Variants in DLGAP1 observed in about 807,000 individuals in gnomAD.
DLGAP1 encodes disks large-associated protein 1.
DLGAP1 carries 11 observed loss-of-function variants against 90.8 expected under a neutral mutation model. The ratio of observed to expected loss-of-function variants is 0.12; its 90% confidence interval spans 0.08 to 0.20. DLGAP1 has a LOEUF of 0.20. Among genes scored for constraint, DLGAP1 ranks in the 10% least tolerant of loss-of-function variants. DLGAP1 has a pLI of 1.00. For synonymous variants in DLGAP1, 558 were observed against 540.7 expected (o/e 1.03, Z -0.44); for missense variants, 1,050 against 1,333.8 (o/e 0.79, Z 3.31).
chr18:3,738,440 G>C (rs2147597071), intron 6 of DLGAP1, among the ~76,000 whole-genome samples: 1 of 147,430 alleles, frequency 6.8e-6, no homozygotes, highest in Non-Finnish European at 1.5e-5. Context: ...TAGATCAATG[G>C]AACAGAACAG....
rs751353966 is a variant in DLGAP1, at chr18:3,879,205, G to A, written c.864C>T (p.Ala288=). 5.1e-6 allele frequency: 8 copies of A among 1,558,396 alleles called. No homozygotes were observed. In the South Asian group the frequency reaches 6.1e-5, roughly 12 times the overall value. ...AWSSTLTVSR[A]REVYQKASVN... is the part of the protein sequence containing the mutation. ...CCGAGGCCTTCTGGTAAACCTCCCG[G>A]GCCCGGCTCACGGTGAGCGTGGAGG... The change falls in exon 4 of 13, where the codon GCC becomes GCT. Residue 288 remains alanine, a synonymous_variant. Coordinates refer to ENST00000315677, the MANE Select transcript of DLGAP1 (RefSeq NM_004746.4). This position sits in a 1 kb window ranked among gnomAD's most constrained non-coding sequence, Gnocchi z 6.6.
At chr18:4,328,483 CTA>C (rs2080873808) in intron 1 of DLGAP1, among the ~76,000 whole-genome samples, 1 of 151,804 alleles carries the variant, frequency 6.6e-6, no homozygotes, top group Admixed American at 6.6e-5. Context: ...CAGTTTTTGA[CTA>C]TTATAAACAA....
intron 3 of DLGAP1, among the ~76,000 whole-genome samples, chr18:3,903,042 C>T (rs2071818237): frequency 6.6e-6 from 1 of 152,238 alleles, no homozygotes; most frequent in South Asian, 2.1e-4. Context: ...CATGTGTACA[C>T]TGTGTTTAAG....
intron 2 of DLGAP1, among the ~76,000 whole-genome samples, chr18:4,016,898 AG>A (rs2149105938): frequency 6.6e-6 from 1 of 152,342 alleles, no homozygotes; most frequent in Non-Finnish European, 1.5e-5. Context: ...AGTCATATCC[AG>A]CTTGCAGATT....
chr18:4,249,072 T>C (rs2078719185), intron 1 of DLGAP1, among the ~76,000 whole-genome samples: 1 of 152,208 alleles, frequency 6.6e-6, no homozygotes. Context: ...ACTCCCCTAT[T>C]GAAAATCCCG....
chr18:3,937,052 G>A (rs1035389725), intron 3 of DLGAP1, among the ~76,000 whole-genome samples: 4 of 152,186 alleles, frequency 2.6e-5, no homozygotes, highest in Non-Finnish European at 4.4e-5. Context: ...AGCTCTACAT[G>A]GAGGCTGAAA....
At chr18:3,658,330 A>G (rs1053878777) in intron 7 of DLGAP1, among the ~76,000 whole-genome samples, 11 of 152,178 alleles carry the variant, frequency 7.2e-5, no homozygotes, top group African/African-American at 2.4e-4. Flanking sequence ...GGCTTCCAAA[A>G]TGTCTGAAAC....
At chr18:3,959,756 A>G (rs1355862310) in intron 3 of DLGAP1, among the ~76,000 whole-genome samples, 3 of 152,216 alleles carry the variant, frequency 2.0e-5, no homozygotes, top group African/African-American at 7.2e-5. Flanking sequence ...AAGAAAGAAA[A>G]AAGAAAAAAA....
At chr18:4,381,247 A>G (rs937897427) in intron 1 of DLGAP1, among the ~76,000 whole-genome samples, 2 of 152,176 alleles carry the variant, frequency 1.3e-5, no homozygotes, top group South Asian at 4.1e-4. Flanking sequence ...AATTGTTTTC[A>G]GAGATGATTG....
intron 7 of DLGAP1, among the ~76,000 whole-genome samples, chr18:3,588,803 A>C (rs1402136937): frequency 2.0e-5 from 3 of 151,536 alleles, no homozygotes; most frequent in Non-Finnish European, 2.9e-5. Flanking sequence ...AGAAAAAAGA[A>C]AGAAAGACAT....
intron 2 of DLGAP1, among the ~76,000 whole-genome samples, chr18:4,115,338 T>G (rs1484055622): frequency 2.0e-5 from 1 of 51,102 alleles, no homozygotes; most frequent in Non-Finnish European, 4.5e-5. Context: ...AATCTTATGT[T>G]TTTTTTTTTT....
intron 3 of DLGAP1, among the ~76,000 whole-genome samples, chr18:3,902,712 CA>C (rs1373473564): frequency 1.3e-5 from 2 of 152,152 alleles, no homozygotes; most frequent in Non-Finnish European, 1.5e-5. Flanking sequence ...AACTAAAAGA[CA>C]TTTTAGTTTT....
At position 3,849,318 on chromosome 18, in the gene DLGAP1, G is replaced by C. The variant is rs189600939; in HGVS notation, c.957+29794C>G. ...ACTACACTCTTAGTATCTTCAAAGA[G>C]ACTCACCTAAGGTTGAGTCTCTTTG... On this transcript the variant is annotated intron_variant, in intron 4 of 12. Transcript: ENST00000315677. 7.2e-5 allele frequency among the ~76,000 whole-genome samples: 11 copies of C among 152,246 alleles called. No homozygotes were observed. The East Asian group carries it at 1.9e-3, about 27-fold the overall frequency.
chr18:4,161,644 T>C (rs1199345949), intron 1 of DLGAP1, among the ~76,000 whole-genome samples: 1 of 152,188 alleles, frequency 6.6e-6, no homozygotes, highest in Non-Finnish European at 1.5e-5. Context: ...CTAGTTCATT[T>C]GTTAGAGCCA....
intron 1 of DLGAP1, among the ~76,000 whole-genome samples, chr18:4,216,518 G>T (rs1159414959): frequency 6.6e-6 from 1 of 152,200 alleles, no homozygotes; most frequent in East Asian, 1.9e-4. Flanking sequence ...ACGACCACAT[G>T]TACAGACACA....
intron 1 of DLGAP1, among the ~76,000 whole-genome samples, chr18:4,277,642 C>T (rs955560247): frequency 2.0e-5 from 3 of 152,080 alleles, no homozygotes; most frequent in African/African-American, 4.8e-5. Flanking sequence ...TGAAATTGCA[C>T]TTGTTCTAAT....
chr18:3,925,952 A>G (rs1344350649), intron 3 of DLGAP1, among the ~76,000 whole-genome samples: 1 of 152,190 alleles, frequency 6.6e-6, no homozygotes, highest in Non-Finnish European at 1.5e-5. Context: ...GAGGTATGGG[A>G]CAGCAATTCG....
intron 2 of DLGAP1, among the ~76,000 whole-genome samples, chr18:4,139,806 T>C (rs2076466249): frequency 6.6e-6 from 1 of 152,000 alleles, no homozygotes; most frequent in African/African-American, 2.4e-5. Context: ...TGGGTGTAAG[T>C]GTATTTATAA....
chr18:4,184,388 C>T (rs2077257292), intron 1 of DLGAP1, among the ~76,000 whole-genome samples: 2 of 152,102 alleles, frequency 1.3e-5, no homozygotes, highest in Non-Finnish European at 2.9e-5. Flanking sequence ...TCTTTCCTGG[C>T]TAATGCTGCA....
Sources: gnomAD v4.1 joint callset for allele counts (sites outside exome capture counted in the v4.1 genomes callset) on GRCh38, gnomAD v4.1.1 for gene constraint, Gnocchi (gnomAD v3.1) non-coding constraint, MANE v1.5 for transcripts, NCBI Gene and HGNC (gene_info 2026-07-23, HGNC 2026-07-21) for gene names.